Variants in C21orf58 observed in about 807,000 individuals in gnomAD.
The protein encoded by C21orf58 is chromosome 21 open reading frame 58.
A neutral mutation model predicts 35.8 loss-of-function variants in C21orf58; 34 were observed. The observed-to-expected ratio is 0.95, with a 90% CI of 0.72 to 1.26. The LOEUF (loss-of-function observed/expected upper bound fraction) is 1.26, where lower values mean the gene tolerates loss of function less well. Ranked by LOEUF, C21orf58 falls within the 50% of genes most tolerant of loss-of-function variation. C21orf58 has a pLI of 0.00. For synonymous variants in C21orf58, 191 were observed against 175.8 expected, an observed-to-expected ratio of 1.09 and a Z score of -0.68; for missense variants, 440 against 414.3, an observed-to-expected ratio of 1.06 and a Z score of -0.54.
chr21:46,302,649 T>C (rs2082162731), intron 6 of C21orf58, 73 bp from the exon 7 acceptor site: 2 of 1,209,890 alleles, frequency 1.7e-6, no homozygotes, highest in East Asian at 2.5e-5. Flanking sequence ...TAGAGCATTA[T>C]AGGACCAGAG....
intron 6 of C21orf58, among the ~76,000 whole-genome samples, chr21:46,304,674 G>T (rs976406578): frequency 6.6e-6 from 1 of 152,172 alleles, no homozygotes; most frequent in African/African-American, 2.4e-5. Flanking sequence ...TATGTGGAGT[G>T]TAAATGGGCA....
intron 6 of C21orf58, among the ~76,000 whole-genome samples, chr21:46,304,322 G>A (rs1410274375): frequency 6.6e-6 from 1 of 151,828 alleles, no homozygotes; most frequent in African/African-American, 2.4e-5. Flanking sequence ...GAGCCACTGC[G>A]CCTGCCCTAC....
In C21orf58 at chr21:46,322,712, G is replaced by A; in HGVS notation, c.27C>T (p.Thr9=). The A allele has an allele frequency of 6.4e-7, 1 of 1,564,240 alleles. No homozygotes were observed. The highest frequency in any genetic ancestry group is 8.7e-7 in the Non-Finnish European group (1 of 1,153,830). The change falls in exon 1 of 8, where the codon ACC becomes ACT. Residue 9 remains threonine, a synonymous_variant. Coordinates refer to ENST00000291691, the MANE Select transcript of C21orf58 (RefSeq NM_058180.5). ...CGAGCTTCCACGGCTTCCTGAGGGA[G>A]GTTGCAGGGAGCCGAGATCGCGCCA... MARSRLPA[T]SLRKPWKLDR...
chr21:46,321,953 G>A (rs1173302410), intron 1 of C21orf58, among the ~76,000 whole-genome samples: 1 of 145,218 alleles, frequency 6.9e-6, no homozygotes, highest in Non-Finnish European at 1.5e-5. Flanking sequence ...ACCCAGGTTG[G>A]AGTGCAGTGG....
Position 46,318,039 on chromosome 21 carries a change from G to C in C21orf58, c.282C>G (p.Thr94=), listed in dbSNP as rs780173889. 5 of 1,613,336 alleles carry C rather than the reference G, an allele frequency of 3.1e-6. No individual in the cohort carries two copies. In the African/African-American group the frequency reaches 6.7e-5, roughly 22 times the overall value. Residue 94 remains threonine (T), a synonymous_variant, in exon 2 of 8, where the codon ACC becomes ACG. Transcript: ENST00000291691. The stretch of plus-strand genomic sequence containing the variant: ...GTCCCAAGAGCTTCAGCGTCAGTCG[G>C]GTCACTTGCTCTGCTGCTGATGAGT... ...MLDSSAAEQV[T]RLTLKLLGQK...
intron 1 of C21orf58, among the ~76,000 whole-genome samples, chr21:46,319,695 G>A (rs771417292): frequency 2.0e-5 from 3 of 151,662 alleles, no homozygotes; most frequent in African/African-American, 4.8e-5. Context: ...TCAGGAGGTC[G>A]AGACAACCTG....
chr21:46,316,475 C>T (rs2082981736), intron 3 of C21orf58, among the ~76,000 whole-genome samples: 1 of 152,144 alleles, frequency 6.6e-6, no homozygotes, highest in South Asian at 2.1e-4. Flanking sequence ...AAAAAGTCTA[C>T]ATTCCTTGGG....
intron 4 of C21orf58, 63 bp downstream of exon 4, chr21:46,315,411 G>T: frequency 9.7e-7 from 1 of 1,028,972 alleles, no homozygotes; most frequent in Non-Finnish European, 1.5e-6. Flanking sequence ...GTGCCTTAAG[G>T]CTGAGCAGCT....
At chr21:46,322,281 T>C (rs1462856834) in intron 1 of C21orf58, 5 of 211,208 alleles carry the variant, frequency 2.4e-5, no homozygotes, top group African/African-American at 1.2e-4. Context: ...ACTGAGACCC[T>C]GCCTATAAAA....
intron 2 of C21orf58, 42 bp from the exon 3 acceptor site, chr21:46,317,310 CA>C: frequency 6.2e-7 from 1 of 1,600,002 alleles, no homozygotes. Context: ...TGGCTCCACG[CA>C]AAGGCCCTGT....
chr21:46,303,752 T>TATATAGA (rs1569116937), intron 6 of C21orf58, among the ~76,000 whole-genome samples: 1 of 27,666 alleles, frequency 3.6e-5, no homozygotes, highest in African/African-American at 1.2e-4. Flanking sequence ...TATATTTTTT[T>TATATAGA]TTTTTTTTTT....
At position 46,318,265 on chromosome 21, in the gene C21orf58, C is replaced by T. The variant is rs183165055; in HGVS notation, c.101-45G>A. On this transcript the variant is annotated intron_variant, in intron 1 of 7. Transcript: ENST00000291691. ...CTGTGGGAAGATAGCCACACCCTCCCTGGACTGCAGTGCCCCAGAAGCCAG... is the reference window on the plus strand; with the variant it reads ...CTGTGGGAAGATAGCCACACCCTCCTTGGACTGCAGTGCCCCAGAAGCCAG... 9.8e-4 allele frequency: 1,570 copies of T among 1,606,714 alleles called. 15 individuals carry two copies. The African/African-American group carries it at 0.019, about 20-fold the overall frequency.
rs751853299 is a variant in C21orf58 at position 46,302,474 on chromosome 21, G to C, written c.813+11C>G. The C allele has an allele frequency of 5.0e-6, 8 of 1,592,650 alleles. No individual in the cohort carries two copies. The highest frequency in any genetic ancestry group is 1.7e-5 in the Admixed American group (1 of 58,778). On this transcript the variant is annotated intron_variant, in intron 7 of 7. Transcript: ENST00000291691. ...TCCTTGGCCTAGGGTTCTGCTGGGGGCTAAGCCTACCTGCAGGGCTGGGGG... is the reference window on the plus strand; with the variant it reads ...TCCTTGGCCTAGGGTTCTGCTGGGGCCTAAGCCTACCTGCAGGGCTGGGGG...
downstream of C21orf58, chr21:46,301,121 A>T: frequency 8.1e-6 from 8 of 985,986 alleles, no homozygotes; most frequent in Non-Finnish European, 9.6e-6. Flanking sequence ...GGATCACGTC[A>T]TACACAGCTT....
chr21:46,314,928 A>G (rs117095783), intron 4 of C21orf58, 48 bp from the exon 5 acceptor site: 126,346 of 1,550,046 alleles, frequency 0.082, 5,705 homozygotes, highest in Non-Finnish European at 0.095. Context: ...GGGAGCCCCA[A>G]CGCCACAGAG....
intron 6 of C21orf58, among the ~76,000 whole-genome samples, chr21:46,304,024 T>G (rs1357965102): frequency 9.6e-6 from 1 of 104,506 alleles, no homozygotes; most frequent in African/African-American, 3.6e-5. Context: ...GTGCTGGTTT[T>G]TTTTTTTTTT....
downstream of C21orf58, chr21:46,300,930 T>C (rs1424941642): frequency 1.2e-6 from 1 of 824,690 alleles, no homozygotes; most frequent in Non-Finnish European, 1.7e-6. Context: ...AGGTAGCCTG[T>C]CCACATGGTA....
chr21:46,318,873 T>C (rs1601706221), intron 1 of C21orf58: 7 of 985,866 alleles, frequency 7.1e-6, no homozygotes, highest in African/African-American at 3.5e-5. Flanking sequence ...CTGCACTTGG[T>C]TGGGCATTAA....
Position 46,319,621 on chromosome 21 carries a change from A to G in C21orf58, c.101-1401T>C, listed in dbSNP as rs563616272. 9.8e-5 allele frequency among the ~76,000 whole-genome samples: 15 copies of G among 152,306 alleles called. No individual in the cohort carries two copies. In the East Asian group the frequency reaches 2.3e-3, roughly 24 times the overall value. On this transcript the variant is annotated intron_variant, in intron 1 of 7. Transcript: ENST00000291691. ...CTATAAAAAATAATAAAAAAGGGCC[A>G]GGTGCGGTGGCTCATGCCTGTAATC... is the stretch of plus-strand genomic sequence containing the variant.
Sources: allele counts gnomAD v4.1 joint callset (sites outside exome capture counted in the v4.1 genomes callset), GRCh38; gene constraint gnomAD v4.1.1; transcripts MANE v1.5; gene names NCBI Gene and HGNC (gene_info 2026-07-23, HGNC 2026-07-21).